DGKB: variants seen among roughly 807,000 people sequenced by gnomAD.
The protein encoded by DGKB is diacylglycerol kinase beta, also known as 90 kDa diacylglycerol kinase.
DGKB carries 67 observed loss-of-function variants against 114.3 expected under a neutral mutation model. That is an observed-to-expected ratio of 0.59 (90% CI 0.48 to 0.72). DGKB has a LOEUF of 0.72. Ranked by LOEUF, DGKB falls within the 30% of genes least tolerant of loss-of-function variation. DGKB has a pLI of 0.00. For synonymous variants in DGKB, 398 were observed against 323.1 expected, an observed-to-expected ratio of 1.23 and a Z score of -2.49; for missense variants, 907 against 975.2, an observed-to-expected ratio of 0.93 and a Z score of 0.93.
intron 20 of DGKB, among the ~76,000 whole-genome samples, chr7:14,539,135 T>C (rs1388423304): frequency 6.6e-6 from 1 of 152,138 alleles, no homozygotes; most frequent in Non-Finnish European, 1.5e-5. Flanking sequence ...GTAGATATCC[T>C]GTTAATTGTT....
At chr7:14,219,827 A>G (rs946745681) in intron 23 of DGKB, among the ~76,000 whole-genome samples, 2 of 151,266 alleles carry the variant, frequency 1.3e-5, no homozygotes, top group African/African-American at 2.4e-5. Flanking sequence ...TGTTGGCATC[A>G]TATATGAGAA....
At chr7:14,738,613 T>A (rs1365106940) in intron 4 of DGKB, among the ~76,000 whole-genome samples, 2 of 152,190 alleles carry the variant, frequency 1.3e-5, no homozygotes, top group Non-Finnish European at 2.9e-5. Context: ...TTAAATAAAT[T>A]TTTGTGTAAA....
intron 25 of DGKB, chr7:14,176,442 G>T (rs946781830): frequency 2.0e-6 from 2 of 987,976 alleles, no homozygotes; most frequent in Non-Finnish European, 2.4e-6. Context: ...GAAAAGCTGA[G>T]AAATAAGTTC....
chr7:14,871,328 T>G (rs1852419686), intron 1 of DGKB, among the ~76,000 whole-genome samples: 1 of 152,164 alleles, frequency 6.6e-6, no homozygotes. Flanking sequence ...GTCACCATGC[T>G]GTGCAATAGG....
intron 17 of DGKB, among the ~76,000 whole-genome samples, chr7:14,605,690 G>C (rs1479464972): frequency 1.3e-5 from 2 of 151,836 alleles, no homozygotes; most frequent in Non-Finnish European, 2.9e-5. Context: ...AAGTGTAGTA[G>C]GAAAAAAGTG....
At chr7:14,377,960 A>T (rs1012168845) in intron 21 of DGKB, among the ~76,000 whole-genome samples, 18 of 152,124 alleles carry the variant, frequency 1.2e-4, no homozygotes, top group African/African-American at 4.1e-4. Context: ...TGTCTTTCTA[A>T]TCCACAAAGG....
chr7:14,286,431 C>A (rs1800886628), intron 23 of DGKB, among the ~76,000 whole-genome samples: 1 of 152,128 alleles, frequency 6.6e-6, no homozygotes. Context: ...GTACTAAAGT[C>A]TGCTCTAAAG....
chr7:14,945,730 A>G (rs533590907), intron 1 of DGKB, among the ~76,000 whole-genome samples: 3 of 151,834 alleles, frequency 2.0e-5, no homozygotes, highest in Admixed American at 6.6e-5. Context: ...AATGAAGATA[A>G]ATGAAAAAAC....
chr7:14,757,276 T>G (rs1196871585), intron 3 of DGKB, among the ~76,000 whole-genome samples: 1 of 152,068 alleles, frequency 6.6e-6, no homozygotes, highest in Non-Finnish European at 1.5e-5. Context: ...TCCTTCTCTA[T>G]TTTATCCAAT....
chr7:14,968,771 T>C (rs1322642558), intron 1 of DGKB, among the ~76,000 whole-genome samples: 1 of 152,186 alleles, frequency 6.6e-6, no homozygotes, highest in Admixed American at 6.5e-5. Flanking sequence ...TCTTGAAATG[T>C]AGTACATGGC....
chr7:14,456,948 C>T (rs1286583416), intron 21 of DGKB, among the ~76,000 whole-genome samples: 2 of 151,948 alleles, frequency 1.3e-5, no homozygotes, highest in East Asian at 1.9e-4. Flanking sequence ...AGATAGGACC[C>T]CTCTCATACT....
intron 25 of DGKB, among the ~76,000 whole-genome samples, chr7:14,175,287 CAT>C (rs1447444439): frequency 1.3e-5 from 2 of 152,180 alleles, no homozygotes; most frequent in African/African-American, 4.8e-5. Context: ...TCACATATAA[CAT>C]AAGCATTCAG....
chr7:14,819,997 G>A (rs533936794), intron 2 of DGKB, among the ~76,000 whole-genome samples: 51 of 152,148 alleles, frequency 3.4e-4, no homozygotes, highest in African/African-American at 1.2e-3. Flanking sequence ...ATTGTGTTTT[G>A]GGTTCTTTTA....
intron 20 of DGKB, among the ~76,000 whole-genome samples, chr7:14,528,080 T>A (rs1234741023): frequency 6.6e-6 from 1 of 152,080 alleles, no homozygotes. Context: ...AAAGTACAAG[T>A]TGATGAATTT....
At chr7:14,588,664 T>C (rs996274345) in intron 17 of DGKB, among the ~76,000 whole-genome samples, 1 of 152,090 alleles carries the variant, frequency 6.6e-6, no homozygotes, top group Non-Finnish European at 1.5e-5. Flanking sequence ...ATCTTTTCAT[T>C]TATTGAATAA....
intron 1 of DGKB, among the ~76,000 whole-genome samples, chr7:14,921,887 A>G (rs1784523168): frequency 6.6e-6 from 1 of 152,222 alleles, no homozygotes; most frequent in Admixed American, 6.5e-5. Flanking sequence ...TCATTTCAGT[A>G]GCAGTATAGA....
At chr7:14,305,925 T>A (rs1246742499) in intron 23 of DGKB, among the ~76,000 whole-genome samples, 2 of 152,146 alleles carry the variant, frequency 1.3e-5, no homozygotes, top group African/African-American at 4.8e-5. Flanking sequence ...TAATGTTGGT[T>A]AGCATGAGAA....
chr7:14,855,407 A>T lies in DGKB; in HGVS notation c.-187-13957T>A, dbSNP rs1441417493. 2.6e-5 allele frequency among the ~76,000 whole-genome samples: 4 copies of T among 152,204 alleles called. No individual in the cohort carries two copies. The East Asian group carries it at 5.8e-4, about 22-fold the overall frequency. The stretch of plus-strand genomic sequence containing the variant: ...ATTATAAATATGTGCTACATATAAC[A>T]TAGTAGGACATACTAGAAAAAAGAT... On this transcript the variant is annotated intron_variant, in intron 1 of 25. Transcript: ENST00000402815.
chr7:14,682,384 C>G (rs143207888), intron 12 of DGKB, among the ~76,000 whole-genome samples, 169 bp downstream of exon 12: 6 of 152,198 alleles, frequency 3.9e-5, no homozygotes, highest in African/African-American at 1.4e-4. Context: ...GGGGACAAAT[C>G]TGACCCTGAG....
Sources: allele counts gnomAD v4.1 joint callset (sites outside exome capture counted in the v4.1 genomes callset), GRCh38; gene constraint gnomAD v4.1.1; transcripts MANE v1.5; gene names NCBI Gene and HGNC (gene_info 2026-07-23, HGNC 2026-07-21).